The following TRHDE variants were observed in gnomAD, a reference collection of about 807,000 sequenced individuals.
TRHDE encodes thyrotropin-releasing hormone-degrading ectoenzyme.
Under a neutral mutation model 125.7 loss-of-function variants are expected in TRHDE, and 72 were observed. That is an observed-to-expected ratio of 0.57 (90% confidence interval 0.47 to 0.70). The LOEUF (loss-of-function observed/expected upper bound fraction) is 0.70, where lower values mean the gene tolerates loss of function less well. Ranked by LOEUF, TRHDE falls within the 30% of genes least tolerant of loss-of-function variation. TRHDE has a pLI of 0.00. For synonymous variants in TRHDE, 509 were observed against 509.1 expected, an observed-to-expected ratio of 1.00 and a Z score of 0.00; for missense variants, 1,110 against 1,327.1, an observed-to-expected ratio of 0.84 and a Z score of 2.54.
At chr12:72,197,086 AT>A (rs970985881) in intron 2 of TRHDE, among the ~76,000 whole-genome samples, 16 of 152,186 alleles carry the variant, frequency 1.1e-4, no homozygotes, top group African/African-American at 3.9e-4. Context: ...TTGTAGCCCC[AT>A]TTGGCACAAA....
intron 3 of TRHDE, among the ~76,000 whole-genome samples, chr12:72,450,087 A>T (rs951264202): frequency 6.6e-6 from 1 of 152,074 alleles, no homozygotes; most frequent in Non-Finnish European, 1.5e-5. Context: ...CTCTGGGTAT[A>T]TCTCCAAAGA....
intron 2 of TRHDE, among the ~76,000 whole-genome samples, chr12:72,364,222 G>A (rs1871248877): frequency 6.6e-6 from 1 of 151,976 alleles, no homozygotes; most frequent in South Asian, 2.1e-4. Context: ...TGAAAGAGTT[G>A]AATGGAGAGG....
intron 2 of TRHDE, among the ~76,000 whole-genome samples, chr12:72,141,283 G>A (rs185426325): frequency 3.9e-5 from 6 of 152,150 alleles, no homozygotes; most frequent in African/African-American, 1.4e-4. Flanking sequence ...TTGAGTTAAG[G>A]CACTATCCAA....
intron 14 of TRHDE, 60 bp downstream of exon 14, chr12:72,621,265 T>A: frequency 9.2e-7 from 1 of 1,081,214 alleles, no homozygotes; most frequent in Non-Finnish European, 1.4e-6. Context: ...AATGTACTAC[T>A]AGTGCCATTG....
intron 12 of TRHDE, among the ~76,000 whole-genome samples, chr12:72,609,115 G>T (rs1032024919): frequency 1.3e-5 from 2 of 152,132 alleles, no homozygotes; most frequent in African/African-American, 2.4e-5. Flanking sequence ...AAGGCTCTCT[G>T]CTCCTTTGTC....
At chr12:72,187,308 ACAACACACAC>A (rs1877237499) in intron 2 of TRHDE, among the ~76,000 whole-genome samples, 1 of 132,688 alleles carries the variant, frequency 7.5e-6, no homozygotes, top group African/African-American at 3.0e-5. Context: ...TCAGAGAAAC[ACAACACACAC>A]ACACACACAC....
chr12:72,415,933 A>G (rs534350536), intron 3 of TRHDE, among the ~76,000 whole-genome samples: 4 of 152,036 alleles, frequency 2.6e-5, no homozygotes, highest in African/African-American at 7.2e-5. Context: ...TGGTGGCTCT[A>G]TTTTTGTTTT....
chr12:72,136,001 A>G (rs1001621763), intron 2 of TRHDE, among the ~76,000 whole-genome samples: 10 of 152,100 alleles, frequency 6.6e-5, no homozygotes, highest in African/African-American at 2.4e-4. Flanking sequence ...TATGCTGTTC[A>G]TTTGCATCAG....
intron 2 of TRHDE, among the ~76,000 whole-genome samples, chr12:72,365,601 C>T (rs1341814221): frequency 2.0e-5 from 3 of 151,880 alleles, no homozygotes; most frequent in African/African-American, 7.3e-5. Flanking sequence ...TACAGGTGCA[C>T]CAAAGTTAGC....
At chr12:72,114,186 G>GGGAGACAACCCAGTCAGCCA (rs1875388744) in intron 2 of TRHDE, among the ~76,000 whole-genome samples, 1 of 151,146 alleles carries the variant, frequency 6.6e-6, no homozygotes. Context: ...AAGCATGCTG[G>GGGAGACAACCCAGTCAGCCA]GTCTTTCAAA....
At chr12:72,265,644 T>C (rs969908313) in intron 2 of TRHDE, among the ~76,000 whole-genome samples, 6 of 151,878 alleles carry the variant, frequency 4.0e-5, no homozygotes, top group Admixed American at 3.3e-4. Flanking sequence ...AGAATACATC[T>C]TTTTCCATAG....
At chr12:72,637,820 G>T (rs1282012689) in intron 15 of TRHDE, among the ~76,000 whole-genome samples, 3 of 151,870 alleles carry the variant, frequency 2.0e-5, no homozygotes, top group African/African-American at 7.2e-5. Flanking sequence ...GGTTTTGAGT[G>T]AGATTCTTAA....
At chr12:72,290,134 T>C (rs1366109232) in intron 2 of TRHDE, among the ~76,000 whole-genome samples, 1 of 152,224 alleles carries the variant, frequency 6.6e-6, no homozygotes, top group Non-Finnish European at 1.5e-5. Flanking sequence ...TCTAGGGATG[T>C]GCTTCATGGA....
At chr12:72,485,008 A>T (rs2135918203) in intron 5 of TRHDE, among the ~76,000 whole-genome samples, 1 of 152,254 alleles carries the variant, frequency 6.6e-6, no homozygotes, top group South Asian at 2.1e-4. Flanking sequence ...GTTGGGATCA[A>T]CTCAGAACCA....
chr12:72,402,603 G>T (rs1021763352), intron 3 of TRHDE, among the ~76,000 whole-genome samples: 1 of 152,140 alleles, frequency 6.6e-6, no homozygotes, highest in Non-Finnish European at 1.5e-5. Flanking sequence ...CCACCCTAAT[G>T]ATATCATCTT....
At chr12:72,144,776 CAG>C (rs1389131419) in intron 2 of TRHDE, among the ~76,000 whole-genome samples, 2 of 152,180 alleles carry the variant, frequency 1.3e-5, no homozygotes, top group Non-Finnish European at 2.9e-5. Flanking sequence ...CCACTTCTCT[CAG>C]AATAACAATG....
chr12:72,459,662 G>T (rs1876031631), intron 3 of TRHDE, among the ~76,000 whole-genome samples: 1 of 152,028 alleles, frequency 6.6e-6, no homozygotes, highest in Admixed American at 6.6e-5. Flanking sequence ...TCACTCTGTT[G>T]CCTAGGCTGG....
intron 2 of TRHDE, among the ~76,000 whole-genome samples, chr12:72,197,982 T>C (rs10879376): frequency 0.044 from 6,716 of 152,182 alleles, 212 homozygotes; most frequent in South Asian, 0.11. Context: ...CCCCTCCTTG[T>C]GGTTCCTAGC....
intron 15 of TRHDE, among the ~76,000 whole-genome samples, chr12:72,633,901 T>A (rs1446676862): frequency 3.3e-5 from 5 of 152,190 alleles, no homozygotes; most frequent in Admixed American, 6.5e-5. Flanking sequence ...CTACTGCTTT[T>A]TAAAAATTCC....
Sources: allele counts gnomAD v4.1 joint callset (sites outside exome capture counted in the v4.1 genomes callset), GRCh38; gene constraint gnomAD v4.1.1; transcripts MANE v1.5; gene names NCBI Gene and HGNC (gene_info 2026-07-23, HGNC 2026-07-21).